Variants in FBN2 observed in about 807,000 individuals in gnomAD.
The protein encoded by FBN2 is fibrillin 2.
In FBN2, 105 loss-of-function variants were observed where a neutral mutation model predicts 355.6. That is an observed-to-expected ratio of 0.30 (90% CI 0.25 to 0.35). FBN2 has a LOEUF of 0.35. Ranked by LOEUF, FBN2 falls within the 10% of genes least tolerant of loss-of-function variation. The pLI, the probability that FBN2 is intolerant of heterozygous loss-of-function variation, is 1.00. For missense variants in FBN2, 3,280 were observed against 3,758.7 expected, an observed-to-expected ratio of 0.87 and a Z score of 3.33; for synonymous variants, 1,350 against 1,301.2, an observed-to-expected ratio of 1.04 and a Z score of -0.81.
At chr5:128,260,080 A>T (rs1167998175) in intron 64 of FBN2, among the ~76,000 whole-genome samples, 1 of 152,150 alleles carries the variant, frequency 6.6e-6, no homozygotes, top group Non-Finnish European at 1.5e-5. Context: ...TTAACAAGGT[A>T]ATTAAAGGTA....
At chr5:128,518,214 G>C (rs938740979) in intron 5 of FBN2, among the ~76,000 whole-genome samples, 1 of 152,110 alleles carries the variant, frequency 6.6e-6, no homozygotes, top group Non-Finnish European at 1.5e-5. Flanking sequence ...CAACCTAAAA[G>C]ATCACACTCT....
At chr5:128,433,854 T>C (rs2127034670) in intron 7 of FBN2, among the ~76,000 whole-genome samples, 1 of 152,286 alleles carries the variant, frequency 6.6e-6, no homozygotes, top group South Asian at 2.1e-4. Flanking sequence ...ATATGTGAAA[T>C]ATGAAACCAC....
intron 5 of FBN2, among the ~76,000 whole-genome samples, chr5:128,487,347 GC>G (rs997771714): frequency 6.6e-6 from 1 of 152,120 alleles, no homozygotes; most frequent in African/African-American, 2.4e-5. Flanking sequence ...AGTAAAACAA[GC>G]CACAGAGATT....
intron 21 of FBN2, 98 bp from the exon 22 acceptor site, chr5:128,350,103 T>C: frequency 9.5e-7 from 1 of 1,048,452 alleles, no homozygotes; most frequent in Non-Finnish European, 1.5e-6. Flanking sequence ...TGGAACTAAA[T>C]AAAAAATGCA....
intron 18 of FBN2, among the ~76,000 whole-genome samples, chr5:128,363,556 G>A (rs942288804): frequency 1.3e-5 from 2 of 152,106 alleles, no homozygotes; most frequent in Non-Finnish European, 2.9e-5. Flanking sequence ...AAAAAGATAT[G>A]TTGAAATCTT....
intron 5 of FBN2, among the ~76,000 whole-genome samples, chr5:128,477,840 C>G (rs1755046965): frequency 6.6e-6 from 1 of 152,168 alleles, no homozygotes; most frequent in South Asian, 2.1e-4. Flanking sequence ...CATGTTTGAT[C>G]AATAGTGCTT....
chr5:128,537,264 A>T, intron 1 of FBN2, 86 bp downstream of exon 1: 1 of 1,577,414 alleles, frequency 6.3e-7, no homozygotes, highest in Non-Finnish European at 8.6e-7. Flanking sequence ...AGGGTCTGGG[A>T]CGGAGTGGGC....
intron 7 of FBN2, among the ~76,000 whole-genome samples, chr5:128,436,559 T>C (rs1753771687): frequency 6.6e-6 from 1 of 151,548 alleles, no homozygotes; most frequent in South Asian, 2.1e-4. Context: ...GTCTATTTTA[T>C]ATGGAGAAAG....
At chr5:128,521,135 G>C (rs1180789323) in intron 4 of FBN2, among the ~76,000 whole-genome samples, 1 of 152,106 alleles carries the variant, frequency 6.6e-6, no homozygotes, top group Admixed American at 6.6e-5. Context: ...ATCAATGATA[G>C]ACTGGATAAA....
chr5:128,288,349 A>G (rs1271715633), intron 53 of FBN2, 89 bp downstream of exon 53: 5 of 1,461,300 alleles, frequency 3.4e-6, no homozygotes, highest in South Asian at 1.2e-5. Flanking sequence ...CACCAGCAGA[A>G]TATCAGAAGC....
At chr5:128,495,249 T>A (rs1471582854) in intron 5 of FBN2, among the ~76,000 whole-genome samples, 5 of 151,858 alleles carry the variant, frequency 3.3e-5, no homozygotes, top group Admixed American at 3.3e-4. Flanking sequence ...AGTATACAAT[T>A]TGAAAAGCAG....
chr5:128,327,167 C>A (rs1236932649), intron 34 of FBN2, among the ~76,000 whole-genome samples: 1 of 152,196 alleles, frequency 6.6e-6, no homozygotes, highest in Admixed American at 6.5e-5. Context: ...CTACAGTTGC[C>A]TTATATAAAA....
intron 7 of FBN2, among the ~76,000 whole-genome samples, chr5:128,422,403 T>G (rs1325353055): frequency 6.6e-6 from 1 of 152,154 alleles, no homozygotes; most frequent in East Asian, 1.9e-4. Context: ...ACTAAGCTTT[T>G]GGGAAAATTT....
In FBN2 at chr5:128,310,108, T is replaced by C. The variant is rs1432817350; in HGVS notation, c.5075A>G (p.Asp1692Gly). Residue 1692 changes from aspartate (D) to glycine (G), a missense_variant and splice_region_variant, in exon 40 of 65, where the codon GAT becomes GGT. This residue lies in a region of FBN2 where 2,284 missense variants were observed against 2,749.5 expected (regional missense o/e 0.83). Transcript: ENST00000262464. ...YLSEDTRICE[D>G]IDECFAHPGV... Reference sequence around the variant, plus strand: ...AGGATGTGCAAAACACTCATCAATATCTAGAGTAGGCAAGAATATCTATTA... The same window carrying C: ...AGGATGTGCAAAACACTCATCAATACCTAGAGTAGGCAAGAATATCTATTA... The C allele has an allele frequency of 6.2e-7, 1 of 1,610,512 alleles. No individual in the cohort carries two copies. The highest frequency in any genetic ancestry group is 8.5e-7 in the Non-Finnish European group (1 of 1,176,962).
At chr5:128,274,094 A>G (rs775978577) in intron 60 of FBN2, 126 bp from the exon 61 acceptor site, 1 of 1,033,986 alleles carries the variant, frequency 9.7e-7, no homozygotes, top group Non-Finnish European at 1.5e-6. Flanking sequence ...TTTTGGGAAA[A>G]TTTATACCAA....
At chr5:128,400,605 C>A (rs1016674793) in intron 8 of FBN2, among the ~76,000 whole-genome samples, 13 of 152,264 alleles carry the variant, frequency 8.5e-5, no homozygotes, top group African/African-American at 2.6e-4. Context: ...AAAAATAAAT[C>A]ATTTGTTAAA....
intron 11 of FBN2, among the ~76,000 whole-genome samples, chr5:128,382,188 A>C (rs564816036): frequency 6.6e-6 from 1 of 151,768 alleles, no homozygotes; most frequent in African/African-American, 2.4e-5. Flanking sequence ...AGTTAATAAA[A>C]CCCCCCAATT....
chr5:128,407,079 T>C (rs1410789759), intron 8 of FBN2, among the ~76,000 whole-genome samples: 1 of 152,206 alleles, frequency 6.6e-6, no homozygotes, highest in Non-Finnish European at 1.5e-5. Context: ...GCTGTTAGCA[T>C]GACAGTGAAG....
chr5:128,527,820 A>C (rs372317456), intron 4 of FBN2, 52 bp downstream of exon 4: 224 of 1,266,136 alleles, frequency 1.8e-4, no homozygotes, highest in Non-Finnish European at 2.5e-4. Flanking sequence ...TTATAACTTA[A>C]TATGAAATAT....
Sources: gnomAD v4.1 joint callset for allele counts (sites outside exome capture counted in the v4.1 genomes callset) on GRCh38, gnomAD v4.1.1 for gene constraint, gnomAD v4.1.1 regional missense constraint, MANE v1.5 for transcripts, NCBI Gene and HGNC (gene_info 2026-07-23, HGNC 2026-07-21) for gene names.